Variants in FAM210A observed in about 807,000 individuals in gnomAD.
FAM210A encodes mitochondrial inner membrane scaffold 1, also known as family with sequence similarity 210 member A.
A neutral mutation model predicts 25.3 loss-of-function variants in FAM210A; 13 were observed. The observed-to-expected ratio is 0.51, with a 90% confidence interval of 0.33 to 0.82. The LOEUF is 0.82. Among genes scored for constraint, FAM210A ranks in the 40% least tolerant of loss-of-function variants. The pLI, the probability that FAM210A is intolerant of heterozygous loss-of-function variation, is 0.02. For synonymous variants in FAM210A, 125 were observed against 118.7 expected (o/e 1.05, Z -0.35); for missense variants, 319 against 323.2 (o/e 0.99, Z 0.10).
At chr18:13,689,900 G>A (rs193136129) in intron 1 of FAM210A, among the ~76,000 whole-genome samples, 115 of 152,296 alleles carry the variant, frequency 7.6e-4, no homozygotes, top group East Asian at 1.9e-4. Context: ...CTGAGGTACC[G>A]GGTTCATCTC....
intron 1 of FAM210A, among the ~76,000 whole-genome samples, chr18:13,701,696 C>G (rs2043741570): frequency 6.6e-6 from 1 of 152,232 alleles, no homozygotes; most frequent in Non-Finnish European, 1.5e-5. Context: ...AGCTAACTTA[C>G]AGTAGAATGT....
At chr18:13,701,972 G>A (rs1388455492) in intron 1 of FAM210A, among the ~76,000 whole-genome samples, 2 of 152,210 alleles carry the variant, frequency 1.3e-5, no homozygotes, top group African/African-American at 4.8e-5. Flanking sequence ...TTTGAACCTT[G>A]CCAGTTCGAT....
chr18:13,693,002 A>G (rs1275672875), intron 1 of FAM210A, among the ~76,000 whole-genome samples: 1 of 152,214 alleles, frequency 6.6e-6, no homozygotes, highest in East Asian at 1.9e-4. Context: ...GACTGCTAGC[A>G]AGACTAATAA....
At chr18:13,690,845 T>C (rs2043637375) in intron 1 of FAM210A, among the ~76,000 whole-genome samples, 1 of 152,174 alleles carries the variant, frequency 6.6e-6, no homozygotes, top group Non-Finnish European at 1.5e-5. Context: ...AGAGCACCTC[T>C]TCTCCTCCAA....
At position 13,681,950 on chromosome 18, in the gene FAM210A, G is replaced by C; in HGVS notation, c.128C>G (p.Ser43Cys). Residue 43 changes from serine to cysteine, a missense_variant, in exon 2 of 4, where the codon TCC becomes TGC. Transcript: ENST00000651643. ...KGPLLLYNAESKVVLVQGPQK... is the reference protein window; with the variant it reads ...KGPLLLYNAECKVVLVQGPQK... ...AGGGCCTTGTACCAAAACCACTTTG[G>C]ATTCAGCATTGTATAAAAGTAAAGG... The C allele has an allele frequency of 6.2e-7, 1 of 1,614,102 alleles. No individual in the cohort carries two copies. The highest frequency in any genetic ancestry group is 2.2e-5 in the East Asian group (1 of 44,884).
intron 1 of FAM210A, among the ~76,000 whole-genome samples, chr18:13,719,227 C>T (rs1384813471): frequency 5.0e-5 from 1 of 20,164 alleles, no homozygotes; most frequent in Non-Finnish European, 1.0e-4. Context: ...TACAATGCAG[C>T]TTAACTAGAA....
intron 1 of FAM210A, among the ~76,000 whole-genome samples, chr18:13,701,877 G>A (rs963788304): frequency 2.0e-5 from 3 of 152,166 alleles, no homozygotes; most frequent in Non-Finnish European, 4.4e-5. Context: ...GTAAAGGATG[G>A]AACTGGGTTA....
chr18:13,684,035 G>A (rs562706045), intron 1 of FAM210A, among the ~76,000 whole-genome samples: 3 of 152,238 alleles, frequency 2.0e-5, no homozygotes, highest in Non-Finnish European at 2.9e-5. Flanking sequence ...TCCAACAACA[G>A]TACAAATGAG....
chr18:13,666,293 TTCCCTTGTAA>T lies in FAM210A; in HGVS notation c.*177_*186del. On this transcript the variant is annotated 3_prime_UTR_variant, in exon 4 of 4. Coordinates refer to ENST00000651643, the MANE Select transcript of FAM210A (RefSeq NM_152352.4). ...CAAATTCTTAAACTGGGTTCATTTC[TTCCCTTGTAA>T]TAACACTGATTTTTCTAGTGATATT... The T allele has an allele frequency of 5.2e-6, 3 of 582,506 alleles. No homozygotes were observed. The highest frequency in any genetic ancestry group is 9.1e-6 in the Non-Finnish European group (3 of 329,968). 36.1% of individuals were successfully genotyped at this position (582,506 alleles called of 1,614,324 possible). A position where few individuals can be genotyped will look rare whatever the true frequency, so the allele number is the denominator to read the frequency against.
At chr18:13,708,344 C>CTTA (rs2043796122) in intron 1 of FAM210A, among the ~76,000 whole-genome samples, 1 of 152,204 alleles carries the variant, frequency 6.6e-6, no homozygotes, top group African/African-American at 2.4e-5. Context: ...CCTCCATGTG[C>CTTA]TTAGCAACAT....
At chr18:13,702,829 A>G (rs1378584731) in intron 1 of FAM210A, among the ~76,000 whole-genome samples, 2 of 152,228 alleles carry the variant, frequency 1.3e-5, no homozygotes, top group Admixed American at 6.5e-5. Context: ...CCCTCCAGGA[A>G]CTGCGGAATT....
intron 1 of FAM210A, among the ~76,000 whole-genome samples, chr18:13,695,432 C>A (rs61124326): frequency 0.014 from 2,169 of 152,242 alleles, 50 homozygotes; most frequent in African/African-American, 0.049. Context: ...TATTGTGGCG[C>A]TATTCACAAT....
intron 2 of FAM210A, among the ~76,000 whole-genome samples, chr18:13,679,599 G>A (rs780340789): frequency 7.9e-5 from 12 of 152,130 alleles, no homozygotes; most frequent in Non-Finnish European, 1.5e-4. Context: ...AATTCTCTAC[G>A]TGATGCTATG....
At position 13,666,169 on chromosome 18, in the gene FAM210A, C is replaced by T; in HGVS notation, c.*311G>A. 1 of 289,586 alleles carries T rather than the reference C, an allele frequency of 3.5e-6. No homozygotes were observed. Among genetic ancestry groups the T allele is most frequent in the South Asian group, 4.9e-5 (1 of 20,358 alleles). The allele number at this position is 289,586 out of a possible 1,614,324, so 17.9% of individuals were successfully genotyped here. A position where few individuals can be genotyped will look rare whatever the true frequency, so the allele number is the denominator to read the frequency against. ...TCAGCTGCCTAGTATGTGTCAATTA[C>T]AGCTGCAACAAAACAGAAATCAAGT... On this transcript the variant is annotated 3_prime_UTR_variant, in exon 4 of 4. Coordinates refer to ENST00000651643, the MANE Select transcript of FAM210A (RefSeq NM_152352.4).
At chr18:13,699,474 A>C (rs981422187) in intron 1 of FAM210A, among the ~76,000 whole-genome samples, 1 of 151,524 alleles carries the variant, frequency 6.6e-6, no homozygotes, top group South Asian at 2.1e-4. Flanking sequence ...TGTACCACTT[A>C]AAAAAAAATC....
At chr18:13,718,107 C>T (rs532171596) in intron 1 of FAM210A, among the ~76,000 whole-genome samples, 30 of 152,238 alleles carry the variant, frequency 2.0e-4, no homozygotes, top group African/African-American at 7.0e-4. Context: ...CTTTGAGATG[C>T]TAAGCAGCAA....
chr18:13,690,549 A>G lies in FAM210A; in HGVS notation c.-28-8444T>C, dbSNP rs150812795. ...TCATACAGACGGCTGCCCCTCTGAG[A>G]CAAAGCTTCCAGAGGCAGGATCAGG... is the stretch of plus-strand genomic sequence containing the variant. On this transcript the variant is annotated intron_variant, in intron 1 of 3. Coordinates refer to ENST00000651643, the MANE Select transcript of FAM210A (RefSeq NM_152352.4). 2.6e-3 allele frequency among the ~76,000 whole-genome samples: 399 copies of G among 152,330 alleles called. 12 individuals are homozygous for G. The East Asian group carries it at 0.06, about 23-fold the overall frequency.
At chr18:13,692,430 C>T (rs1164534230) in intron 1 of FAM210A, among the ~76,000 whole-genome samples, 2 of 152,216 alleles carry the variant, frequency 1.3e-5, no homozygotes, top group African/African-American at 4.8e-5. Context: ...GAACTCTCCA[C>T]CCCAAATCAA....
chr18:13,675,674 A>T (rs71353288), intron 2 of FAM210A, among the ~76,000 whole-genome samples: 6 of 56,778 alleles, frequency 1.1e-4, no homozygotes, highest in Admixed American at 4.2e-4. Flanking sequence ...CTTTATTTCC[A>T]GTTTCCTGAT....
Sources: allele counts gnomAD v4.1 joint callset (sites outside exome capture counted in the v4.1 genomes callset), GRCh38; gene constraint gnomAD v4.1.1; transcripts MANE v1.5; gene names NCBI Gene and HGNC (gene_info 2026-07-23, HGNC 2026-07-21).